Variants in EGF observed in about 807,000 individuals in gnomAD.
The protein encoded by EGF is pro-epidermal growth factor.
A neutral mutation model predicts 143.8 loss-of-function variants in EGF; 95 were observed. That is an observed-to-expected ratio of 0.66 (90% confidence interval 0.56 to 0.78). The LOEUF (loss-of-function observed/expected upper bound fraction) is 0.78, where lower values mean the gene tolerates loss of function less well. EGF is among the 30% of genes least tolerant of loss of function. The pLI, the probability that EGF is intolerant of heterozygous loss-of-function variation, is 0.00. For synonymous variants in EGF, 510 were observed against 510.5 expected (o/e 1.00, Z 0.01); for missense variants, 1,320 against 1,470.9 (o/e 0.90, Z 1.68).
chr4:109,980,445 G>T (rs1198594010), intron 14 of EGF, among the ~76,000 whole-genome samples: 1 of 152,110 alleles, frequency 6.6e-6, no homozygotes, highest in East Asian at 1.9e-4. Flanking sequence ...TCGACACTTG[G>T]ACCTTTCCAT....
intron 1 of EGF, among the ~76,000 whole-genome samples, chr4:109,938,908 C>T (rs954905417): frequency 2.0e-5 from 3 of 152,160 alleles, no homozygotes; most frequent in Non-Finnish European, 2.9e-5. Flanking sequence ...CCCAGAGGGG[C>T]ACTTGCCTGT....
In EGF at chr4:109,981,936, A is replaced by G. The variant is rs1749431787; in HGVS notation, c.2371+961A>G. Among the ~76,000 whole-genome samples the G allele has an allele frequency of 1.3e-5, 2 of 150,630 alleles. 1 individual carries two copies. Among genetic ancestry groups the G allele is most frequent in the South Asian group, 4.1e-4 (2 of 4,822 alleles). On this transcript the variant is annotated intron_variant, in intron 15 of 23. Transcript: ENST00000265171. ...CAATCTTCTTGTGAAACTGGGTTTT[A>G]TTTTTATTTTTTGAGACAGGGTCTC...
chr4:109,947,913 G>C (rs2126020190), intron 5 of EGF, among the ~76,000 whole-genome samples: 1 of 152,254 alleles, frequency 6.6e-6, no homozygotes, highest in South Asian at 2.1e-4. Context: ...TGAAGAAATA[G>C]AGCACCTTTT....
intron 18 of EGF, among the ~76,000 whole-genome samples, chr4:109,990,304 A>T (rs1037860315): frequency 6.6e-6 from 1 of 152,234 alleles, no homozygotes; most frequent in African/African-American, 2.4e-5. Context: ...GTGATCAGTG[A>T]TGAAGAAGAG....
In EGF at chr4:109,913,378, T is replaced by C. The variant is rs771293553; in HGVS notation, c.43T>C (p.Phe15Leu). 2 of 1,614,008 alleles carry C rather than the reference T, an allele frequency of 1.2e-6. No homozygotes were observed. Among genetic ancestry groups the C allele is most frequent in the African/African-American group, 2.7e-5 (2 of 75,042 alleles). Reference protein sequence around the residue: ...LIILLPVVSKFSFVSLSAPQH... With the variant: ...LIILLPVVSKLSFVSLSAPQH... Reference sequence around the variant, plus strand: ...CATTCTGTTGCCAGTAGTTTCAAAATTTAGTTTTGTTAGTCTCTCAGCACC... The same window carrying C: ...CATTCTGTTGCCAGTAGTTTCAAAACTTAGTTTTGTTAGTCTCTCAGCACC... The change falls in exon 1 of 24, where the codon TTT (phenylalanine) becomes CTT (leucine). Residue 15 changes from phenylalanine to leucine, a missense_variant. Coordinates refer to ENST00000265171, the MANE Select transcript of EGF (RefSeq NM_001963.6).
chr4:109,974,740 C>A lies in EGF; in HGVS notation c.1762C>A (p.Arg588Ser), dbSNP rs758800260. 1 of 1,613,324 alleles carries A rather than the reference C, an allele frequency of 6.2e-7. No homozygotes were observed. The highest frequency in any genetic ancestry group is 1.1e-5 in the South Asian group (1 of 91,068). The change falls in exon 12 of 24, where the codon CGT becomes AGT. Residue 588 changes from arginine (R) to serine (S), a missense_variant. Around this residue, in one of 5 missense-constraint regions of EGF, gnomAD observed 1,186 missense variants for 1,313.7 expected, o/e 0.90. Transcript: ENST00000265171. ...LIGRSDLNGK[R>S]SKIITKENIS... The stretch of plus-strand genomic sequence containing the variant: ...TGGAAGGAGTGATTTAAATGGGAAA[C>A]GTTCCAAAATAATCACTAAGGAGAA...
rs1736003063 is a variant in EGF at position 109,913,148 on chromosome 4, A to C, written c.-188A>C. On this transcript the variant is annotated 5_prime_UTR_variant, in exon 1 of 24. Transcript: ENST00000265171. ...CCTGTGGCTTCCCTTGGCAGGCTGC[A>C]TTCAGAAGGTCTCTCAGTTGAAGAA... 1 of 616,224 alleles carries C rather than the reference A, an allele frequency of 1.6e-6. No individual in the cohort carries two copies. Among genetic ancestry groups the C allele is most frequent in the South Asian group, 1.9e-5 (1 of 53,446 alleles). 38.2% of individuals were successfully genotyped at this position (616,224 alleles called of 1,614,324 possible). A position where few individuals can be genotyped will look rare whatever the true frequency, so the allele number is the denominator to read the frequency against.
At chr4:110,009,311 C>T (rs916716196) in intron 23 of EGF, among the ~76,000 whole-genome samples, 13 of 152,086 alleles carry the variant, frequency 8.5e-5, no homozygotes, top group African/African-American at 3.1e-4. Flanking sequence ...TCAGCATTTT[C>T]AAAAATTTGC....
At chr4:109,980,672 C>A in intron 14 of EGF, 154 bp from the exon 15 acceptor site, 1 of 844,824 alleles carries the variant, frequency 1.2e-6, no homozygotes, top group Non-Finnish European at 1.9e-6. Context: ...TGGGGGAACT[C>A]TTCTGAAATA....
In EGF at chr4:109,967,714, T is replaced by A. The variant is rs1420327556; in HGVS notation, c.1576-1257T>A. On this transcript the variant is annotated intron_variant, in intron 10 of 23. Coordinates refer to ENST00000265171, the MANE Select transcript of EGF (RefSeq NM_001963.6). ...AAAAGAACTTCGCATTGGCAAGAAA[T>A]CTTCTGTTGAACAAGATGGATGAAT... 4.6e-5 allele frequency among the ~76,000 whole-genome samples: 7 copies of A among 152,276 alleles called. No individual in the cohort carries two copies. The South Asian group carries it at 6.2e-4, about 14-fold the overall frequency.
At chr4:109,931,454 C>T (rs1193926742) in intron 1 of EGF, among the ~76,000 whole-genome samples, 2 of 152,252 alleles carry the variant, frequency 1.3e-5, no homozygotes, top group African/African-American at 2.4e-5. Context: ...CATGTGACAA[C>T]CCAGACCAAG....
intron 8 of EGF, among the ~76,000 whole-genome samples, chr4:109,962,195 C>T (rs1412765010): frequency 1.3e-5 from 2 of 152,164 alleles, no homozygotes; most frequent in Non-Finnish European, 2.9e-5. Context: ...TAGCGTCTAA[C>T]TTATGAGCAA....
intron 22 of EGF, among the ~76,000 whole-genome samples, chr4:110,005,633 G>A (rs1209043653): frequency 6.6e-6 from 1 of 152,182 alleles, no homozygotes; most frequent in Non-Finnish European, 1.5e-5. Context: ...TTCAGTAATT[G>A]ATCTTGGAAC....
At chr4:109,932,375 AT>A (rs1372928335) in intron 1 of EGF, among the ~76,000 whole-genome samples, 4 of 126,074 alleles carry the variant, frequency 3.2e-5, no homozygotes, top group East Asian at 2.6e-4. Flanking sequence ...ATATATATAT[AT>A]AAATTTTTTT....
intron 1 of EGF, among the ~76,000 whole-genome samples, chr4:109,924,342 T>A (rs1410401138): frequency 1.3e-5 from 2 of 151,152 alleles, no homozygotes; most frequent in Admixed American, 1.3e-4. Flanking sequence ...CCAAAAAAAA[T>A]TAATAGTTTT....
intron 5 of EGF, among the ~76,000 whole-genome samples, chr4:109,946,881 G>A (rs1231401717): frequency 6.6e-6 from 1 of 152,134 alleles, no homozygotes; most frequent in African/African-American, 2.4e-5. Context: ...CACTTTGGGA[G>A]GCCGAGGTAG....
At chr4:109,959,138 A>C in intron 5 of EGF, 174 bp from the exon 6 acceptor site, 2 of 935,378 alleles carry the variant, frequency 2.1e-6, no homozygotes, top group Non-Finnish European at 3.2e-6. Context: ...CAATTGGAGA[A>C]AAAAGTGGGC....
At chr4:110,001,743 T>G (rs1752600188) in intron 21 of EGF, 1 of 985,326 alleles carries the variant, frequency 1.0e-6, no homozygotes, top group African/African-American at 1.7e-5. Context: ...TACATACATA[T>G]AAGAGTATCT....
intron 11 of EGF, 132 bp downstream of exon 11, chr4:109,969,251 C>A: frequency 2.6e-6 from 3 of 1,173,422 alleles, no homozygotes; most frequent in East Asian, 2.5e-5. Context: ...AGAAAAGAGG[C>A]CACCATTGCG....
Sources: gnomAD v4.1 joint callset for allele counts (sites outside exome capture counted in the v4.1 genomes callset) on GRCh38, gnomAD v4.1.1 for gene constraint, gnomAD v4.1.1 regional missense constraint, MANE v1.5 for transcripts, NCBI Gene and HGNC (gene_info 2026-07-23, HGNC 2026-07-21) for gene names.